Variants in RUNX1T1 observed in about 807,000 individuals in gnomAD.
RUNX1T1 encodes protein CBFA2T1.
RUNX1T1 carries 4 observed loss-of-function variants against 62.8 expected under a neutral mutation model. The observed-to-expected ratio is 0.06, with a 90% confidence interval of 0.03 to 0.15. RUNX1T1 has a LOEUF of 0.15. RUNX1T1 is among the 10% of genes least tolerant of loss of function. RUNX1T1 has a pLI of 1.00. For synonymous variants in RUNX1T1, 291 were observed against 286.0 expected (o/e 1.02, Z -0.18); for missense variants, 508 against 754.3 (o/e 0.67, Z 3.82).
chr8:92,010,736 C>T (rs1032244033), intron 4 of RUNX1T1: 1 of 315,452 alleles, frequency 3.2e-6, no homozygotes, highest in South Asian at 8.3e-5. Flanking sequence ...TAACATATCT[C>T]ATATGACCAA....
intron 1 of RUNX1T1, chr8:92,095,447 A>G (rs1218588379): frequency 5.2e-6 from 8 of 1,535,330 alleles, no homozygotes; most frequent in Middle Eastern, 1.7e-4. Context: ...CAGAAGTAAA[A>G]GCCTTGTCAG....
intron 1 of RUNX1T1, among the ~76,000 whole-genome samples, chr8:92,036,759 T>A (rs866400438): frequency 1.3e-5 from 2 of 152,330 alleles, no homozygotes; most frequent in Admixed American, 1.3e-4. Context: ...AATGTGGTTA[T>A]GTCAACTTAT....
intron 1 of RUNX1T1, among the ~76,000 whole-genome samples, chr8:92,084,944 T>C (rs1487160765): frequency 6.6e-6 from 1 of 152,250 alleles, no homozygotes; most frequent in Non-Finnish European, 1.5e-5. Flanking sequence ...GAGAGACTAC[T>C]GGGGTTTAGA....
At chr8:92,086,495 A>G (rs765344148) in intron 1 of RUNX1T1, among the ~76,000 whole-genome samples, 23 of 152,182 alleles carry the variant, frequency 1.5e-4, no homozygotes, top group African/African-American at 3.4e-4. Flanking sequence ...GGTAAATAAC[A>G]GATCTTTTAT....
At chr8:91,993,809 C>G (rs1211360748) in intron 5 of RUNX1T1, among the ~76,000 whole-genome samples, 2 of 152,062 alleles carry the variant, frequency 1.3e-5, no homozygotes, top group African/African-American at 4.8e-5. Flanking sequence ...CTGGCCAACA[C>G]TGTGAAACCT....
intron 5 of RUNX1T1, among the ~76,000 whole-genome samples, chr8:91,995,356 G>A (rs1017780318): frequency 6.6e-6 from 1 of 152,144 alleles, no homozygotes; most frequent in South Asian, 2.1e-4. Flanking sequence ...GTCCTAAAAG[G>A]CAGGCTAGGG....
chr8:92,068,509 G>A (rs1833206003), intron 2 of RUNX1T1, among the ~76,000 whole-genome samples: 1 of 152,056 alleles, frequency 6.6e-6, no homozygotes, highest in African/African-American at 2.4e-5. Flanking sequence ...AAAATCGGAG[G>A]GCTCGAGAGC....
rs983188305 is a variant in RUNX1T1, at chr8:92,007,275, G to C, written c.478-1978C>G. ...GAGGTCAGGAGTTCAAGACCAGCCT[G>C]GCCAACATGGTGAAACCCCATTCCT... On this transcript the variant is annotated intron_variant, in intron 4 of 10. Coordinates refer to ENST00000396218, the Ensembl canonical transcript of RUNX1T1. Among the ~76,000 whole-genome samples, 16 of 152,206 alleles carry C rather than the reference G, an allele frequency of 1.1e-4. No homozygotes were observed. In the East Asian group the frequency reaches 2.9e-3, roughly 28 times the overall value.
exon 7 of RUNX1T1, chr8:91,986,899 T>C: frequency 1.2e-6 from 2 of 1,604,466 alleles, no homozygotes; most frequent in Non-Finnish European, 1.7e-6. Context: ...GGTCAAGATG[T>C]TTCCACTCTT....
At chr8:91,971,925 C>T (rs896447885) in intron 9 of RUNX1T1, among the ~76,000 whole-genome samples, 3 of 152,014 alleles carry the variant, frequency 2.0e-5, no homozygotes, top group African/African-American at 7.2e-5. Flanking sequence ...AATATCCTCC[C>T]CCTGAATTAG....
intron 1 of RUNX1T1, among the ~76,000 whole-genome samples, chr8:92,034,661 C>T (rs978708077): frequency 6.7e-6 from 1 of 149,320 alleles, no homozygotes; most frequent in Non-Finnish European, 1.5e-5. Context: ...AAGAAAATGG[C>T]ATATATATAT....
chr8:92,034,195 A>G lies in RUNX1T1; in HGVS notation c.8-16832T>C, dbSNP rs1355591945. Among the ~76,000 whole-genome samples, 7 of 152,126 alleles carry G rather than the reference A, an allele frequency of 4.6e-5. No individual in the cohort carries two copies. The South Asian group carries it at 8.3e-4, about 18-fold the overall frequency. On this transcript the variant is annotated intron_variant, in intron 1 of 10. Coordinates refer to ENST00000396218, the Ensembl canonical transcript of RUNX1T1. ...CATTCATATAACAGTGCCTAGCATC[A>G]ATGTTCACTGAATAAAAGAATGAAT...
intron 1 of RUNX1T1, among the ~76,000 whole-genome samples, chr8:92,025,857 A>G (rs1455491263): frequency 6.6e-6 from 1 of 152,262 alleles, no homozygotes; most frequent in Non-Finnish European, 1.5e-5. Flanking sequence ...CTAGAAAAAT[A>G]CTACTGGATT....
chr8:92,067,998 G>A (rs1833125319), intron 2 of RUNX1T1, among the ~76,000 whole-genome samples: 1 of 152,016 alleles, frequency 6.6e-6, no homozygotes, highest in Non-Finnish European at 1.5e-5. Context: ...ACAGTTAAAG[G>A]TAGATTCCTA....
downstream of RUNX1T1, chr8:91,957,685 C>T (rs1374230607): frequency 1.3e-5 from 3 of 226,116 alleles, no homozygotes; most frequent in East Asian, 1.3e-4. Context: ...TTTAACCCTT[C>T]GTAGCCTAGA....
chr8:92,045,577 C>T (rs1829253735), intron 1 of RUNX1T1, among the ~76,000 whole-genome samples: 1 of 152,192 alleles, frequency 6.6e-6, no homozygotes, highest in African/African-American at 2.4e-5. Context: ...AATAATGACA[C>T]TCATTCAATG....
At chr8:91,981,176 T>C (rs1815160480) in intron 8 of RUNX1T1, among the ~76,000 whole-genome samples, 1 of 152,104 alleles carries the variant, frequency 6.6e-6, no homozygotes, top group Non-Finnish European at 1.5e-5. Context: ...AAAACTAATA[T>C]GAAGAGGAAT....
chr8:92,046,794 G>T (rs529723181), intron 1 of RUNX1T1, among the ~76,000 whole-genome samples: 1 of 152,260 alleles, frequency 6.6e-6, no homozygotes, highest in Non-Finnish European at 1.5e-5. Context: ...GACTTAACAT[G>T]CAGCCTTGAC....
intron 3 of RUNX1T1, among the ~76,000 whole-genome samples, chr8:92,013,297 T>C (rs1329637054): frequency 6.6e-6 from 1 of 152,144 alleles, no homozygotes; most frequent in Non-Finnish European, 1.5e-5. Context: ...GTTTATGAGG[T>C]GGAGCTGATG....
Sources: gnomAD v4.1 joint callset for allele counts (sites outside exome capture counted in the v4.1 genomes callset) on GRCh38, gnomAD v4.1.1 for gene constraint, MANE v1.5 for transcripts, NCBI Gene and HGNC (gene_info 2026-07-23, HGNC 2026-07-21) for gene names.